Variants in SH3PXD2A observed in about 807,000 individuals in gnomAD.
SH3PXD2A encodes the protein SH3 and PX domains 2A, also known as SH3 and PX domain-containing protein 2A.
A neutral mutation model predicts 115.2 loss-of-function variants in SH3PXD2A; 32 were observed. The ratio of observed to expected loss-of-function variants is 0.28; its 90% CI spans 0.21 to 0.37. The LOEUF (loss-of-function observed/expected upper bound fraction) is 0.37, where lower values mean the gene tolerates loss of function less well. SH3PXD2A is among the 10% of genes least tolerant of loss of function. The probability of loss-of-function intolerance (pLI) is 1.00; values close to 1 mark genes in which losing one functional copy is unlikely to be tolerated. For synonymous variants in SH3PXD2A, 610 were observed against 629.1 expected (o/e 0.97, Z 0.45); for missense variants, 1,328 against 1,498.7 (o/e 0.89, Z 1.88).
chr10:103,653,436 G>T (rs550453322), intron 8 of SH3PXD2A, among the ~76,000 whole-genome samples: 5 of 152,228 alleles, frequency 3.3e-5, no homozygotes, highest in Non-Finnish European at 5.9e-5. Context: ...TGTCACTCTG[G>T]CACTTCTGTG....
intron 6 of SH3PXD2A, among the ~76,000 whole-genome samples, chr10:103,691,693 G>T (rs1244734461): frequency 6.6e-6 from 1 of 151,918 alleles, no homozygotes; most frequent in Non-Finnish European, 1.5e-5. Context: ...TCCCAAACTG[G>T]TACACAAATA....
chr10:103,707,654 T>C (rs2037997731), intron 5 of SH3PXD2A, among the ~76,000 whole-genome samples: 1 of 152,184 alleles, frequency 6.6e-6, no homozygotes. Context: ...AGCTGCTCAC[T>C]GTACTTCATG....
At chr10:103,711,806 G>A (rs2038049812) in intron 5 of SH3PXD2A, among the ~76,000 whole-genome samples, 1 of 152,174 alleles carries the variant, frequency 6.6e-6, no homozygotes, top group Admixed American at 6.5e-5. Flanking sequence ...TCTAATCCTG[G>A]CACGTTGGGA....
chr10:103,812,770 C>G (rs535821256), intron 1 of SH3PXD2A, among the ~76,000 whole-genome samples: 4 of 152,222 alleles, frequency 2.6e-5, no homozygotes, highest in Non-Finnish European at 5.9e-5. Context: ...CTCTGCTGTG[C>G]TCAGCAAAGC....
At chr10:103,675,935 C>T (rs995613721) in intron 6 of SH3PXD2A, among the ~76,000 whole-genome samples, 12 of 151,806 alleles carry the variant, frequency 7.9e-5, no homozygotes, top group African/African-American at 1.9e-4. Context: ...GCTACTTGGG[C>T]GGCTGAGGCA....
chr10:103,639,232 G>A (rs76979695), intron 8 of SH3PXD2A, among the ~76,000 whole-genome samples: 234 of 152,288 alleles, frequency 1.5e-3, no homozygotes, highest in African/African-American at 5.1e-3. Flanking sequence ...AATTCTTAGA[G>A]GAGAAGAGAC....
chr10:103,847,777 A>G (rs1252854045), intron 1 of SH3PXD2A, among the ~76,000 whole-genome samples: 2 of 152,156 alleles, frequency 1.3e-5, no homozygotes, highest in Non-Finnish European at 2.9e-5. Flanking sequence ...CACCTCTACT[A>G]AGAATACAAA....
At chr10:103,656,894 G>A (rs2037221526) in intron 8 of SH3PXD2A, among the ~76,000 whole-genome samples, 1 of 150,992 alleles carries the variant, frequency 6.6e-6, no homozygotes, top group East Asian at 1.9e-4. Context: ...GGCTCGTGCT[G>A]ACTTTTGGTT....
chr10:103,741,389 G>A (rs907638088), intron 3 of SH3PXD2A, among the ~76,000 whole-genome samples: 1 of 152,188 alleles, frequency 6.6e-6, no homozygotes, highest in Admixed American at 6.5e-5. Context: ...TTGAATGCTT[G>A]TCTCGCCCTT....
At chr10:103,786,880 G>C (rs1331875105) in intron 2 of SH3PXD2A, among the ~76,000 whole-genome samples, 2 of 152,162 alleles carry the variant, frequency 1.3e-5, no homozygotes, top group Non-Finnish European at 2.9e-5. Flanking sequence ...GGAGGAGCAA[G>C]TCAGGTTTGT....
intron 5 of SH3PXD2A, among the ~76,000 whole-genome samples, chr10:103,701,668 CCAT>C (rs2037909071): frequency 2.0e-5 from 3 of 151,544 alleles, no homozygotes; most frequent in East Asian, 2.0e-4. Context: ...CACCATCCAT[CCAT>C]CATCCATCCA....
At chr10:103,626,085 A>G (rs1308009839) in intron 9 of SH3PXD2A, among the ~76,000 whole-genome samples, 1 of 152,254 alleles carries the variant, frequency 6.6e-6, no homozygotes, top group Non-Finnish European at 1.5e-5. Context: ...GCCCTTCCCA[A>G]TGGGGCCTTG....
intron 2 of SH3PXD2A, among the ~76,000 whole-genome samples, chr10:103,800,119 A>G (rs1368753460): frequency 1.3e-5 from 2 of 152,068 alleles, no homozygotes; most frequent in African/African-American, 4.8e-5. Context: ...TTGTGTTTTT[A>G]TTGGCCTAAA....
intron 5 of SH3PXD2A, among the ~76,000 whole-genome samples, chr10:103,714,006 T>C (rs377620726): frequency 2.0e-5 from 3 of 152,248 alleles, no homozygotes; most frequent in African/African-American, 7.2e-5. Flanking sequence ...CCCACAAGAA[T>C]GCAACAGAGG....
chr10:103,658,475 C>T lies in SH3PXD2A; in HGVS notation c.604+2508G>A, dbSNP rs1295829059. 2.6e-5 allele frequency among the ~76,000 whole-genome samples: 4 copies of T among 152,342 alleles called. No homozygotes were observed. In the East Asian group the frequency reaches 7.7e-4, roughly 29 times the overall value. ...TCAGGTTGCACAAGACGCCTCCTCT[C>T]CCCCACCGTCAGGCCTCCAGCTTCC... is the stretch of plus-strand genomic sequence containing the variant. On this transcript the variant is annotated intron_variant, in intron 8 of 14. Coordinates refer to ENST00000369774, the MANE Select transcript of SH3PXD2A (RefSeq NM_001394015.1).
At chr10:103,695,988 C>A (rs529322741) in intron 5 of SH3PXD2A, among the ~76,000 whole-genome samples, 1 of 152,298 alleles carries the variant, frequency 6.6e-6, no homozygotes, top group Non-Finnish European at 1.5e-5. Context: ...GAGACCAGGA[C>A]TGGGGACCAG....
chr10:103,674,098 C>G (rs2037497756), intron 6 of SH3PXD2A, among the ~76,000 whole-genome samples: 1 of 152,208 alleles, frequency 6.6e-6, no homozygotes, highest in Non-Finnish European at 1.5e-5. Flanking sequence ...CTTTCCTCTC[C>G]CATACAACTA....
At chr10:103,752,002 C>T (rs1389708626) in intron 3 of SH3PXD2A, among the ~76,000 whole-genome samples, 1 of 152,180 alleles carries the variant, frequency 6.6e-6, no homozygotes, top group African/African-American at 2.4e-5. Context: ...CCTACTAACC[C>T]TAGCTGATTC....
chr10:103,720,355 G>T (rs1333346227), intron 5 of SH3PXD2A, among the ~76,000 whole-genome samples: 1 of 152,252 alleles, frequency 6.6e-6, no homozygotes, highest in Non-Finnish European at 1.5e-5. Context: ...GTCTGGAAGA[G>T]CAACCACTAA....
Sources: allele counts gnomAD v4.1 joint callset (sites outside exome capture counted in the v4.1 genomes callset), GRCh38; gene constraint gnomAD v4.1.1; transcripts MANE v1.5; gene names NCBI Gene and HGNC (gene_info 2026-07-23, HGNC 2026-07-21).